The following TAFA5 variants were observed in gnomAD, a reference collection of about 807,000 sequenced individuals.
TAFA5 encodes TAFA chemokine like family member 5, also known as chemokine-like protein TAFA-5.
Under a neutral mutation model 15.3 loss-of-function variants are expected in TAFA5, and 6 were observed. The ratio of observed to expected loss-of-function variants is 0.39; its 90% CI spans 0.21 to 0.77. The LOEUF (loss-of-function observed/expected upper bound fraction) is 0.77. TAFA5 is among the 30% of genes least tolerant of loss of function. The probability of loss-of-function intolerance (pLI) is 0.41; values close to 1 mark genes in which losing one functional copy is unlikely to be tolerated. For missense variants in TAFA5, 161 were observed against 193.1 expected (o/e 0.83, Z 0.98); for synonymous variants, 103 against 80.7 (o/e 1.28, Z -1.48).
chr22:48,719,116 C>T (rs1015045548), intron 3 of TAFA5, among the ~76,000 whole-genome samples: 3 of 152,210 alleles, frequency 2.0e-5, no homozygotes, highest in Admixed American at 6.5e-5. Context: ...TTTTGAATCC[C>T]GTGTGGGGAG....
chr22:48,601,534 C>A (rs1158069331), intron 1 of TAFA5, among the ~76,000 whole-genome samples: 1 of 152,072 alleles, frequency 6.6e-6, no homozygotes, highest in Non-Finnish European at 1.5e-5. Context: ...ACCATGTTGG[C>A]CAGGCTGGTC....
intron 3 of TAFA5, among the ~76,000 whole-genome samples, chr22:48,717,140 G>T (rs1456162117): frequency 2.0e-5 from 3 of 152,228 alleles, no homozygotes; most frequent in Non-Finnish European, 4.4e-5. Flanking sequence ...CACGGGAGAT[G>T]AAAAACATCC....
intron 1 of TAFA5, among the ~76,000 whole-genome samples, chr22:48,511,437 G>A (rs914489765): frequency 6.6e-6 from 1 of 152,188 alleles, no homozygotes; most frequent in African/African-American, 2.4e-5. Context: ...TGGCTCCCAG[G>A]GGGAGGGGAG....
chr22:48,588,270 C>A (rs534968730), intron 1 of TAFA5, among the ~76,000 whole-genome samples: 26 of 152,302 alleles, frequency 1.7e-4, no homozygotes, highest in African/African-American at 5.8e-4. Context: ...CTCCTTTGCT[C>A]CTCAGGCCAC....
intron 3 of TAFA5, among the ~76,000 whole-genome samples, chr22:48,708,266 G>T (rs1335064496): frequency 1.3e-5 from 2 of 152,104 alleles, no homozygotes; most frequent in Non-Finnish European, 2.9e-5. Flanking sequence ...TGGAGACAGG[G>T]CCAGGTTCAG....
At chr22:48,585,979 G>A (rs566393400) in intron 1 of TAFA5, among the ~76,000 whole-genome samples, 2 of 152,318 alleles carry the variant, frequency 1.3e-5, no homozygotes, top group African/African-American at 2.4e-5. Flanking sequence ...AGCTCACCCC[G>A]TGGGCCCAGC....
At chr22:48,699,191 C>T (rs1928824696) in intron 2 of TAFA5, among the ~76,000 whole-genome samples, 1 of 152,070 alleles carries the variant, frequency 6.6e-6, no homozygotes, top group African/African-American at 2.4e-5. Context: ...CCTGGGCCTC[C>T]CAAAGTGCTG....
At chr22:48,508,452 C>T (rs567642326) in intron 1 of TAFA5, among the ~76,000 whole-genome samples, 13 of 152,254 alleles carry the variant, frequency 8.5e-5, no homozygotes, top group African/African-American at 2.6e-4. Context: ...GGGGGTTTCC[C>T]TCCAGAATGA....
chr22:48,716,480 G>C lies in TAFA5; in HGVS notation c.390+8636G>C, dbSNP rs573255361. Reference sequence around the variant, plus strand: ...GGGAGTTGAACAATGAGAACACATGGACACCAGGAGGGGAACATCACACAC... The same window carrying C: ...GGGAGTTGAACAATGAGAACACATGCACACCAGGAGGGGAACATCACACAC... On this transcript the variant is annotated intron_variant, in intron 3 of 3. Transcript: ENST00000402357. Among the ~76,000 whole-genome samples the C allele has an allele frequency of 1.3e-4, 20 of 152,284 alleles. 1 individual carries two copies. In the South Asian group the frequency reaches 3.9e-3, roughly 30 times the overall value.
chr22:48,545,678 C>T (rs558116591), intron 1 of TAFA5: 1 of 152,594 alleles, frequency 6.6e-6, no homozygotes, highest in African/African-American at 2.4e-5. Flanking sequence ...CAGGTGGGCT[C>T]TAGGGTGTGG....
intron 3 of TAFA5, among the ~76,000 whole-genome samples, 168 bp downstream of exon 3, chr22:48,708,012 TTCCTGACCATCTG>T (rs130148): frequency 0.7 from 105,820 of 151,348 alleles, 37,151 homozygotes; most frequent in Non-Finnish European, 0.72. Flanking sequence ...TGGTGCTAAA[TTCCTGACCATCTG>T]TCCTGGGGCA....
At chr22:48,703,653 T>TTCTCCCGGGCA (rs1284085729) in intron 2 of TAFA5, among the ~76,000 whole-genome samples, 1 of 152,214 alleles carries the variant, frequency 6.6e-6, no homozygotes, top group Non-Finnish European at 1.5e-5. Flanking sequence ...CTCAGCGTCC[T>TTCTCCCGGGCA]TCTCCCGGGA....
At chr22:48,501,191 C>T (rs977682887) in intron 1 of TAFA5, among the ~76,000 whole-genome samples, 1 of 152,226 alleles carries the variant, frequency 6.6e-6, no homozygotes, top group Non-Finnish European at 1.5e-5. Context: ...CTGGCTCGTG[C>T]TCCAAAGCCT....
At chr22:48,666,116 T>C (rs1927600584) in intron 2 of TAFA5, among the ~76,000 whole-genome samples, 1 of 152,154 alleles carries the variant, frequency 6.6e-6, no homozygotes, top group African/African-American at 2.4e-5. Context: ...TACTCAGCAT[T>C]GCAGAGGCCA....
intron 2 of TAFA5, among the ~76,000 whole-genome samples, chr22:48,681,203 C>G (rs1322367920): frequency 6.6e-6 from 1 of 152,162 alleles, no homozygotes; most frequent in East Asian, 1.9e-4. Flanking sequence ...CTGCCCATCG[C>G]AGCTGTAACC....
intron 2 of TAFA5, among the ~76,000 whole-genome samples, chr22:48,657,613 G>A (rs1472249025): frequency 6.6e-6 from 1 of 152,210 alleles, no homozygotes; most frequent in Non-Finnish European, 1.5e-5. Context: ...TGTCACTTTG[G>A]GTTTCGTGCA....
At position 48,530,929 on chromosome 22, in the gene TAFA5, T is replaced by C. The variant is rs1044894234; in HGVS notation, c.112+41225T>C. Among the ~76,000 whole-genome samples, 3 of 152,170 alleles carry C rather than the reference T, an allele frequency of 2.0e-5. No homozygotes were observed. The highest frequency in any genetic ancestry group is 2.9e-5 in the Non-Finnish European group (2 of 68,032). On this transcript the variant is annotated intron_variant, in intron 1 of 3. Coordinates refer to ENST00000402357, the MANE Select transcript of TAFA5 (RefSeq NM_001082967.3). This position sits in a 1 kb window ranked among gnomAD's most constrained non-coding sequence, Gnocchi z 6.0. ...GTGACATGACAGACTGAGCTTCCAC[T>C]GTACAGGGACCCCCTGTGCAAAGTG... is the stretch of plus-strand genomic sequence containing the variant.
In TAFA5 at chr22:48,514,928, A is replaced by C. The variant is rs968355426; in HGVS notation, c.112+25224A>C. 2.0e-5 allele frequency among the ~76,000 whole-genome samples: 3 copies of C among 152,200 alleles called. 1 individual carries two copies. Among genetic ancestry groups the C allele is most frequent in the Non-Finnish European group, 4.4e-5 (3 of 68,044 alleles). Reference sequence around the variant, plus strand: ...ATACAGGGTAAGCACTGCCATCTCCATTTTGGGGGTGAAAACACAGAGGTC... The same window carrying C: ...ATACAGGGTAAGCACTGCCATCTCCCTTTTGGGGGTGAAAACACAGAGGTC... On this transcript the variant is annotated intron_variant, in intron 1 of 3. Transcript: ENST00000402357.
chr22:48,501,513 G>A (rs899564526), intron 1 of TAFA5, among the ~76,000 whole-genome samples: 2 of 152,224 alleles, frequency 1.3e-5, no homozygotes, highest in African/African-American at 4.8e-5. Context: ...TCTCTCCAAG[G>A]GAAGGGGCAG....
Sources: gnomAD v4.1 joint callset for allele counts (sites outside exome capture counted in the v4.1 genomes callset) on GRCh38, gnomAD v4.1.1 for gene constraint, Gnocchi (gnomAD v3.1) non-coding constraint, MANE v1.5 for transcripts, NCBI Gene and HGNC (gene_info 2026-07-23, HGNC 2026-07-21) for gene names.